Variants in EEF1AKMT2 observed in about 807,000 individuals in gnomAD.
The protein encoded by EEF1AKMT2 is EEF1A lysine methyltransferase 2.
A neutral mutation model predicts 35.8 loss-of-function variants in EEF1AKMT2; 32 were observed. The ratio of observed to expected loss-of-function variants is 0.89; its 90% CI spans 0.67 to 1.20. The LOEUF is 1.20. Ranked by LOEUF, EEF1AKMT2 falls within the 50% of genes most tolerant of loss-of-function variation. The pLI is 0.00. For synonymous variants in EEF1AKMT2, 121 were observed against 133.7 expected (o/e 0.91, Z 0.65); for missense variants, 330 against 347.5 (o/e 0.95, Z 0.40).
intron 4 of EEF1AKMT2, among the ~76,000 whole-genome samples, chr10:124,767,511 C>CA (rs1193595891): frequency 0.12 from 7,301 of 59,632 alleles, 606 homozygotes; most frequent in African/African-American, 0.3. Flanking sequence ...GACACTGCCT[C>CA]AAAAAAAAAA....
chr10:124,769,311 G>A (rs1950408891), intron 4 of EEF1AKMT2, among the ~76,000 whole-genome samples: 1 of 147,534 alleles, frequency 6.8e-6, no homozygotes, highest in Non-Finnish European at 1.5e-5. Flanking sequence ...AAGAATCAAG[G>A]ATGACTCCTT....
At chr10:124,762,583 C>T (rs1950342291) in intron 5 of EEF1AKMT2, 25 bp from the exon 6 acceptor site, 1 of 1,101,708 alleles carries the variant, frequency 9.1e-7, no homozygotes, top group East Asian at 6.8e-5. Flanking sequence ...GAGAGACAGA[C>T]CGTTTCAAAA....
chr10:124,788,478 T>C (rs1212972988), intron 3 of EEF1AKMT2, among the ~76,000 whole-genome samples: 2 of 151,932 alleles, frequency 1.3e-5, no homozygotes, highest in Non-Finnish European at 2.9e-5. Context: ...CTTATGTTTA[T>C]TTCTGTACTA....
rs989994923 is a variant in EEF1AKMT2, at chr10:124,782,632, C to A, written c.291+6411G>T. Reference sequence around the variant, plus strand: ...TTCAAGACCAGCCTGGACAACAGGGCGAAACCCCGTCTGTACTAAAAATAC... The same window carrying A: ...TTCAAGACCAGCCTGGACAACAGGGAGAAACCCCGTCTGTACTAAAAATAC... On this transcript the variant is annotated intron_variant, in intron 3 of 6. Coordinates refer to ENST00000368836, the MANE Select transcript of EEF1AKMT2 (RefSeq NM_212554.4). Among the ~76,000 whole-genome samples the A allele has an allele frequency of 4.3e-5, 6 of 138,890 alleles. No individual in the cohort carries two copies. In the South Asian group the frequency reaches 1.4e-3, roughly 32 times the overall value. The allele number at this position is 138,890 out of a possible 152,430, so 91.1% of individuals were successfully genotyped here.
intron 3 of EEF1AKMT2, among the ~76,000 whole-genome samples, chr10:124,783,566 C>A (rs1027502063): frequency 1.3e-5 from 2 of 152,182 alleles, no homozygotes; most frequent in Non-Finnish European, 2.9e-5. Context: ...GCTTAACTGG[C>A]GTATGACCCA....
At chr10:124,763,748 A>T (rs1256593847) in intron 5 of EEF1AKMT2, among the ~76,000 whole-genome samples, 1 of 152,156 alleles carries the variant, frequency 6.6e-6, no homozygotes, top group Non-Finnish European at 1.5e-5. Flanking sequence ...TTCTAGGAGT[A>T]AAAAAGAACA....
At chr10:124,790,204 A>AT (rs948608365) in intron 2 of EEF1AKMT2, 69 bp downstream of exon 2, 8 of 1,280,994 alleles carry the variant, frequency 6.2e-6, no homozygotes, top group African/African-American at 2.9e-5. Flanking sequence ...ATATATACGT[A>AT]TTTTTTTAAA....
intron 3 of EEF1AKMT2, among the ~76,000 whole-genome samples, chr10:124,788,836 G>A (rs1466020270): frequency 1.3e-5 from 2 of 150,704 alleles, no homozygotes; most frequent in Admixed American, 1.3e-4. Flanking sequence ...TCAAGGTTAA[G>A]ACTATAGCCA....
In EEF1AKMT2 at chr10:124,758,711, T is replaced by C. The variant is rs1278106879; in HGVS notation, c.*1792A>G. On this transcript the variant is annotated 3_prime_UTR_variant, in exon 7 of 7. Transcript: ENST00000368836. ...CTTAACTCAAAATTCTAAGAGTACT[T>C]ATCTATGTTATATTTGAAATCAAAG... is the stretch of plus-strand genomic sequence containing the variant. The C allele has an allele frequency of 6.6e-6, 1 of 152,054 alleles. No homozygotes were observed. Among genetic ancestry groups the C allele is most frequent in the Non-Finnish European group, 1.5e-5 (1 of 68,010 alleles). The allele number at this position is 152,054 out of a possible 1,614,324, so 9.4% of individuals were successfully genotyped here.
intron 4 of EEF1AKMT2, among the ~76,000 whole-genome samples, chr10:124,768,176 G>A (rs953392523): frequency 1.2e-4 from 18 of 152,172 alleles, no homozygotes; most frequent in African/African-American, 4.3e-4. Context: ...ATGTGACCGA[G>A]TATTGATGAT....
At chr10:124,780,586 C>T (rs139211551) in intron 3 of EEF1AKMT2, among the ~76,000 whole-genome samples, 2 of 151,866 alleles carry the variant, frequency 1.3e-5, no homozygotes, top group African/African-American at 4.8e-5. Context: ...AAAAATTGAA[C>T]CTGTGGAGTT....
chr10:124,776,219 C>T (rs1166230807), intron 3 of EEF1AKMT2, among the ~76,000 whole-genome samples: 1 of 152,128 alleles, frequency 6.6e-6, no homozygotes, highest in Non-Finnish European at 1.5e-5. Flanking sequence ...TCTTCTAGTA[C>T]AACTTATAAA....
chr10:124,777,536 TGA>T (rs1266018408), intron 3 of EEF1AKMT2, among the ~76,000 whole-genome samples: 3 of 151,680 alleles, frequency 2.0e-5, no homozygotes, highest in Admixed American at 2.0e-4. Context: ...TTTTTTTTTT[TGA>T]GACAGGGTCT....
At chr10:124,763,527 G>A (rs1388749261) in intron 5 of EEF1AKMT2, among the ~76,000 whole-genome samples, 2 of 151,940 alleles carry the variant, frequency 1.3e-5, no homozygotes, top group Non-Finnish European at 2.9e-5. Flanking sequence ...ATTTTCTAAG[G>A]GACTCATGCC....
Position 124,765,952 on chromosome 10 carries a change from T to C in EEF1AKMT2, c.400-344A>G, listed in dbSNP as rs12416453. 6.8e-3 allele frequency among the ~76,000 whole-genome samples: 1,034 copies of C among 152,266 alleles called. 55 individuals are homozygous for C. The East Asian group carries it at 0.14, about 20-fold the overall frequency. On this transcript the variant is annotated intron_variant, in intron 4 of 6. Coordinates refer to ENST00000368836, the MANE Select transcript of EEF1AKMT2 (RefSeq NM_212554.4). ...TGTTTCTGTCAAAAAGTAGAAAATT[T>C]GACATATTCTTAAAAATGACAATTT... is the stretch of plus-strand genomic sequence containing the variant.
At chr10:124,771,246 C>A (rs1950431673) in intron 4 of EEF1AKMT2, among the ~76,000 whole-genome samples, 1 of 151,950 alleles carries the variant, frequency 6.6e-6, no homozygotes. Context: ...ACTACAGGCA[C>A]CTGCCACCAC....
In EEF1AKMT2 at chr10:124,781,639, C is replaced by T. The variant is rs576779101; in HGVS notation, c.292-6857G>A. Among the ~76,000 whole-genome samples, 82 of 137,916 alleles carry T rather than the reference C, an allele frequency of 5.9e-4. 2 individuals carry two copies. The South Asian group carries it at 0.019, about 31-fold the overall frequency. The allele number at this position is 137,916 out of a possible 152,430, so 90.5% of individuals were successfully genotyped here. ...CAGCCAAAAAAAAAAAAAAAACACTCCTTAGGAATGAAGGTGAAATAAAGC... is the reference window on the plus strand; with the variant it reads ...CAGCCAAAAAAAAAAAAAAAACACTTCTTAGGAATGAAGGTGAAATAAAGC... On this transcript the variant is annotated intron_variant, in intron 3 of 6. Coordinates refer to ENST00000368836, the MANE Select transcript of EEF1AKMT2 (RefSeq NM_212554.4).
Position 124,789,157 on chromosome 10 carries a change from C to T in EEF1AKMT2, c.177G>A (p.Trp59Ter). Reference protein sequence around the residue: ...FREYGDTGEIWFGEESMNRLI... With the variant: ...FREYGDTGEI Reference sequence around the variant, plus strand: ...GTCGATTCATACTCTCTTCTCCAAACCTGTTAGAGAGAATCAGTCAAATAA... The same window carrying T: ...GTCGATTCATACTCTCTTCTCCAAATCTGTTAGAGAGAATCAGTCAAATAA... Residue 59 changes from tryptophan (W) to a stop codon, truncating the protein, a stop_gained and splice_region_variant, in exon 3 of 7, where the codon TGG (tryptophan) becomes TGA (stop). Coordinates refer to ENST00000368836, the MANE Select transcript of EEF1AKMT2 (RefSeq NM_212554.4). LOFTEE classifies it high-confidence loss of function. 1.9e-6 allele frequency: 3 copies of T among 1,599,106 alleles called. No homozygotes were observed. The highest frequency in any genetic ancestry group is 2.6e-6 in the Non-Finnish European group (3 of 1,167,740).
intron 4 of EEF1AKMT2, among the ~76,000 whole-genome samples, chr10:124,769,248 A>ATATATATATATATATGTGTG (rs60863408): frequency 7.8e-5 from 5 of 63,818 alleles, no homozygotes; most frequent in Admixed American, 2.8e-4. Context: ...ATATATATAT[A>ATATATATATATATATGTGTG]TGTGTGTATA....
Sources: allele counts gnomAD v4.1 joint callset (sites outside exome capture counted in the v4.1 genomes callset), GRCh38; gene constraint gnomAD v4.1.1; transcripts MANE v1.5; gene names NCBI Gene and HGNC (gene_info 2026-07-23, HGNC 2026-07-21).